DIS3: variants seen among roughly 807,000 people sequenced by gnomAD.
DIS3 encodes exosome complex exonuclease RRP44.
DIS3 carries 103 observed loss-of-function variants against 113.0 expected under a neutral mutation model. That is an observed-to-expected ratio of 0.91 (90% CI 0.78 to 1.07). DIS3 has a LOEUF of 1.07. Among genes scored for constraint, DIS3 ranks in the 50% least tolerant of loss-of-function variants. DIS3 has a pLI of 0.00. For synonymous variants in DIS3, 402 were observed against 394.3 expected, an observed-to-expected ratio of 1.02 and a Z score of -0.23; for missense variants, 1,121 against 1,167.1, an observed-to-expected ratio of 0.96 and a Z score of 0.58.
intron 15 of DIS3, among the ~76,000 whole-genome samples, chr13:72,763,814 A>G (rs1208806644): frequency 6.6e-6 from 1 of 152,178 alleles, no homozygotes; most frequent in African/African-American, 2.4e-5. Flanking sequence ...TTATTATGCA[A>G]CTACTGCATG....
At chr13:72,772,068 G>T in intron 10 of DIS3, 91 bp downstream of exon 10, 1 of 1,273,296 alleles carries the variant, frequency 7.9e-7, no homozygotes, top group Non-Finnish European at 1.1e-6. Flanking sequence ...CTTCACAAGA[G>T]TAATTAACAA....
intron 13 of DIS3, 102 bp downstream of exon 13, chr13:72,770,802 T>G: frequency 5.9e-6 from 3 of 507,256 alleles, no homozygotes; most frequent in Non-Finnish European, 9.9e-6. Flanking sequence ...TTTATATATG[T>G]GTATATATAC....
chr13:72,772,690 T>G lies in DIS3; in HGVS notation c.1386+3A>C. ...AAGTCACTACAAATTACTTTCAACTTACCTTTTCAGTAATGCTCCAGGGCA... is the reference window on the plus strand; with the variant it reads ...AAGTCACTACAAATTACTTTCAACTGACCTTTTCAGTAATGCTCCAGGGCA... On this transcript the variant is annotated splice_donor_region_variant and intron_variant, in intron 9 of 20. Transcript: ENST00000377767. 6.3e-7 allele frequency: 1 copy of G among 1,598,054 alleles called. No homozygotes were observed. Among genetic ancestry groups the G allele is most frequent in the Non-Finnish European group, 8.5e-7 (1 of 1,175,872 alleles).
Position 72,754,539 on chromosome 13 carries a change from G to A in DIS3, c.*5256C>T, listed in dbSNP as rs1349101795. On this transcript the variant is annotated 3_prime_UTR_variant, in exon 21 of 21. Coordinates refer to ENST00000377767, the MANE Select transcript of DIS3 (RefSeq NM_014953.5). Reference sequence around the variant, plus strand: ...CAAATGTGCAACAAATGTTTAATAGGGAGGCCACCTTAGTTTTCCTTTCTG... The same window carrying A: ...CAAATGTGCAACAAATGTTTAATAGAGAGGCCACCTTAGTTTTCCTTTCTG... 1 of 151,886 alleles carries A rather than the reference G, an allele frequency of 6.6e-6. No individual in the cohort carries two copies. The highest frequency in any genetic ancestry group is 1.5e-5 in the Non-Finnish European group (1 of 68,058). 9.4% of individuals were successfully genotyped at this position (151,886 alleles called of 1,614,324 possible). A position where few individuals can be genotyped will look rare whatever the true frequency, so the allele number is the denominator to read the frequency against.
chr13:72,780,810 G>A (rs765537637), intron 2 of DIS3, 36 bp downstream of exon 2: 3 of 1,561,004 alleles, frequency 1.9e-6, no homozygotes, highest in African/African-American at 1.4e-5. Flanking sequence ...TGCTAATCCT[G>A]TGGTTTTCTG....
chr13:72,779,944 TTATTTATGTA>T (rs1277895773), intron 2 of DIS3, among the ~76,000 whole-genome samples: 3 of 152,296 alleles, frequency 2.0e-5, no homozygotes, highest in Admixed American at 6.5e-5. Flanking sequence ...TCATCATAGA[TTATTTATGTA>T]ATATAACGTA....
At chr13:72,766,409 T>C (rs191553342) in intron 14 of DIS3, among the ~76,000 whole-genome samples, 134 of 152,306 alleles carry the variant, frequency 8.8e-4, no homozygotes, top group African/African-American at 3.1e-3. Context: ...AGGGGATTGA[T>C]TGTATTTAAT....
rs2033413728 is a variant in DIS3 at position 72,755,087 on chromosome 13, G to A, written c.*4708C>T. 1.3e-5 allele frequency: 18 copies of A among 1,406,052 alleles called. No individual in the cohort carries two copies. The highest frequency in any genetic ancestry group is 1.7e-5 in the Admixed American group (1 of 59,026). 87.1% of individuals were successfully genotyped at this position (1,406,052 alleles called of 1,614,324 possible). A position where few individuals can be genotyped will look rare whatever the true frequency, so the allele number is the denominator to read the frequency against. On this transcript the variant is annotated 3_prime_UTR_variant, in exon 21 of 21. Transcript: ENST00000377767. ...GCTTTTAGGTTTTAAAAACAGTCCC[G>A]ATAATTGCATCCTCCAGTGGTCCTA...
chr13:72,775,177 C>T (rs764717580), intron 6 of DIS3, 34 bp downstream of exon 6: 2 of 1,573,896 alleles, frequency 1.3e-6, no homozygotes, highest in East Asian at 4.5e-5. Flanking sequence ...TACAAAGCTA[C>T]ACAGACAAAA....
chr13:72,776,237 T>C (rs535420893), intron 4 of DIS3, 145 bp from the exon 5 acceptor site: 6 of 751,954 alleles, frequency 8.0e-6, no homozygotes, highest in South Asian at 3.0e-5. Flanking sequence ...GTGTTTCTTA[T>C]AGGCCAGTGC....
At chr13:72,781,207 C>A in intron 1 of DIS3, 1 of 1,507,826 alleles carries the variant, frequency 6.6e-7, no homozygotes. Context: ...CTTAAACAGA[C>A]CAATCACAAG....
rs1005060638 is a variant in DIS3, at chr13:72,771,205, G to T, written c.1606-60C>A. ...AGCCATAACCATACATTTATGTGAG[G>T]TTCTATTCTCAAATAACATTAATTA... On this transcript the variant is annotated intron_variant, in intron 11 of 20. Transcript: ENST00000377767. 45 of 1,325,632 alleles carry T rather than the reference G, an allele frequency of 3.4e-5. No individual in the cohort carries two copies. The African/African-American group carries it at 5.6e-4, about 16-fold the overall frequency. 82.1% of individuals were successfully genotyped at this position (1,325,632 alleles called of 1,614,324 possible).
At position 72,766,070 on chromosome 13, in the gene DIS3, T is replaced by G. The variant is rs1413887064; in HGVS notation, c.1884-12A>C. On this transcript the variant is annotated splice_polypyrimidine_tract_variant and intron_variant, in intron 14 of 20. Transcript: ENST00000377767. Reference sequence around the variant, plus strand: ...ATAGAGTCAAAGCCCTACATAAAAATTAAAGAGAAAAATTATAGTCAAGCA... The same window carrying G: ...ATAGAGTCAAAGCCCTACATAAAAAGTAAAGAGAAAAATTATAGTCAAGCA... 1 of 1,582,496 alleles carries G rather than the reference T, an allele frequency of 6.3e-7. No individual in the cohort carries two copies. Among genetic ancestry groups the G allele is most frequent in the East Asian group, 2.3e-5 (1 of 44,408 alleles).
chr13:72,776,156 TTATTAA>T lies in DIS3; in HGVS notation c.655-70_655-65del, dbSNP rs1234202025. 2.8e-6 allele frequency: 4 copies of T among 1,450,514 alleles called. No individual in the cohort carries two copies. In the African/African-American group the frequency reaches 4.3e-5, roughly 16 times the overall value. The allele number at this position is 1,450,514 out of a possible 1,614,324, so 89.9% of individuals were successfully genotyped here. A position where few individuals can be genotyped will look rare whatever the true frequency, so the allele number is the denominator to read the frequency against. ...CTTCTGTTCACTCAATACACAACTA[TTATTAA>T]TATCAGAGAATTTTTGAAATCTACA... is the stretch of plus-strand genomic sequence containing the variant. On this transcript the variant is annotated intron_variant, in intron 4 of 20. Coordinates refer to ENST00000377767, the MANE Select transcript of DIS3 (RefSeq NM_014953.5).
In DIS3 at chr13:72,758,378, AAACTT is replaced by A. The variant is rs1028990065; in HGVS notation, c.*1412_*1416del. Reference sequence around the variant, plus strand: ...ATTAAGTGACATATGACTATATATGAAACTTAACAAATCAGGCCTTGTTGAAACAC... The same window carrying A: ...ATTAAGTGACATATGACTATATATGAAACAAATCAGGCCTTGTTGAAACAC... On this transcript the variant is annotated 3_prime_UTR_variant, in exon 21 of 21. Transcript: ENST00000377767. 2.7e-5 allele frequency: 5 copies of A among 187,492 alleles called. No individual in the cohort carries two copies. Among genetic ancestry groups the A allele is most frequent in the African/African-American group, 1.2e-4 (5 of 42,794 alleles). 11.6% of individuals were successfully genotyped at this position (187,492 alleles called of 1,614,324 possible). A position where few individuals can be genotyped will look rare whatever the true frequency, so the allele number is the denominator to read the frequency against.
chr13:72,778,488 A>G, intron 2 of DIS3, 108 bp from the exon 3 acceptor site: 1 of 792,188 alleles, frequency 1.3e-6, no homozygotes, highest in Non-Finnish European at 1.9e-6. Flanking sequence ...AGTCAATGGT[A>G]TATCTTTTCT....
rs998252188 is a variant in DIS3, at chr13:72,758,939, G to C, written c.*856C>G. 3.9e-5 allele frequency: 7 copies of C among 180,840 alleles called. No individual in the cohort carries two copies. Among genetic ancestry groups the C allele is most frequent in the African/African-American group, 1.7e-4 (7 of 42,424 alleles). The allele number at this position is 180,840 out of a possible 1,614,324, so 11.2% of individuals were successfully genotyped here. A position where few individuals can be genotyped will look rare whatever the true frequency, so the allele number is the denominator to read the frequency against. On this transcript the variant is annotated 3_prime_UTR_variant, in exon 21 of 21. Transcript: ENST00000377767. ...CTGTGATTAGCAAGGGAAGTAGTCA[G>C]TCTGGCACACCAAATTTTATTAATA... is the stretch of plus-strand genomic sequence containing the variant.
Position 72,773,903 on chromosome 13 carries a change from T to C in DIS3, c.1101+43A>G, listed in dbSNP as rs755465018. 5 of 1,587,384 alleles carry C rather than the reference T, an allele frequency of 3.1e-6. No homozygotes were observed. The African/African-American group carries it at 5.5e-5, about 17-fold the overall frequency. ...AAGAAAGGCTATAAGTTCTATTAAA[T>C]GTTTATCATTTTTTTATTACATAGT... On this transcript the variant is annotated intron_variant, in intron 7 of 20. Coordinates refer to ENST00000377767, the MANE Select transcript of DIS3 (RefSeq NM_014953.5).
chr13:72,779,900 G>A (rs1418659433), intron 2 of DIS3, among the ~76,000 whole-genome samples: 1 of 152,108 alleles, frequency 6.6e-6, no homozygotes, highest in Non-Finnish European at 1.5e-5. Flanking sequence ...CCAAGATTGA[G>A]AAGCCCTGAT....
Sources: gnomAD v4.1 joint callset for allele counts (sites outside exome capture counted in the v4.1 genomes callset) on GRCh38, gnomAD v4.1.1 for gene constraint, MANE v1.5 for transcripts, NCBI Gene and HGNC (gene_info 2026-07-23, HGNC 2026-07-21) for gene names.